SMYD5: variants seen among roughly 807,000 people sequenced by gnomAD.
SMYD5 encodes the protein SMYD family member 5.
SMYD5 carries 35 observed loss-of-function variants against 57.4 expected under a neutral mutation model. That is an observed-to-expected ratio of 0.61 (90% CI 0.47 to 0.81). The LOEUF (loss-of-function observed/expected upper bound fraction) is 0.81. SMYD5 is among the 30% of genes least tolerant of loss of function. SMYD5 has a pLI of 0.00. For missense variants in SMYD5, 471 were observed against 527.9 expected (o/e 0.89, Z 1.06); for synonymous variants, 198 against 189.7 (o/e 1.04, Z -0.36).
intron 5 of SMYD5, among the ~76,000 whole-genome samples, chr2:73,221,462 A>G (rs1344943880): frequency 6.1e-5 from 9 of 147,174 alleles, no homozygotes; most frequent in Non-Finnish European, 5.9e-5. Context: ...TAACTTAAAG[A>G]CCAGTGTGAT....
intron 3 of SMYD5, 71 bp from the exon 4 acceptor site, chr2:73,220,590 G>C: frequency 6.4e-7 from 1 of 1,570,344 alleles, no homozygotes; most frequent in Non-Finnish European, 8.8e-7. Context: ...GCTATTTGTG[G>C]AAGGAATGCA....
At chr2:73,223,914 G>A in intron 9 of SMYD5, 33 bp from the exon 10 acceptor site, 1 of 1,603,050 alleles carries the variant, frequency 6.2e-7, no homozygotes. Context: ...TTAAAAATGG[G>A]TAGAATAATG....
At chr2:73,216,986 C>G (rs1686304575) in intron 1 of SMYD5, among the ~76,000 whole-genome samples, 2 of 150,056 alleles carry the variant, frequency 1.3e-5, no homozygotes, top group African/African-American at 2.5e-5. Flanking sequence ...GAGTCTTACT[C>G]TGTTGCCCAG....
In SMYD5 at chr2:73,226,170, A is replaced by T; in HGVS notation, c.*224A>T. 1.7e-6 allele frequency: 1 copy of T among 599,550 alleles called. No individual in the cohort carries two copies. Among genetic ancestry groups the T allele is most frequent in the Admixed American group, 3.2e-5 (1 of 31,316 alleles). The allele number at this position is 599,550 out of a possible 1,614,324, so 37.1% of individuals were successfully genotyped here. Reference sequence around the variant, plus strand: ...GAGTTGGCTCAGACTCTGCACTGGCACTGAGCCTTTCACAACTGGCCTCCC... The same window carrying T: ...GAGTTGGCTCAGACTCTGCACTGGCTCTGAGCCTTTCACAACTGGCCTCCC... On this transcript the variant is annotated 3_prime_UTR_variant, in exon 13 of 13. Coordinates refer to ENST00000389501, the MANE Select transcript of SMYD5 (RefSeq NM_006062.3).
rs181051229 is a variant in SMYD5, at chr2:73,222,598, T to C, written c.643-157T>C. ...CAGGCCGGCAGACTGCCAAAGCTCT[T>C]TGGAGGTAGACTCTGTGGCCTTCCT... On this transcript the variant is annotated intron_variant, in intron 6 of 12. Transcript: ENST00000389501. Among the ~76,000 whole-genome samples, 28 of 152,326 alleles carry C rather than the reference T, an allele frequency of 1.8e-4. 1 individual carries two copies. In the East Asian group the frequency reaches 5.4e-3, roughly 29 times the overall value.
intron 4 of SMYD5, 93 bp from the exon 5 acceptor site, chr2:73,221,072 A>G: frequency 8.7e-7 from 1 of 1,147,360 alleles, no homozygotes; most frequent in South Asian, 1.3e-5. Flanking sequence ...TGGAATTGGT[A>G]GGAAGTTTTC....
Position 73,224,968 on chromosome 2 carries a change from G to A in SMYD5, c.1035+8G>A. On this transcript the variant is annotated splice_region_variant and intron_variant, in intron 11 of 12. Transcript: ENST00000389501. The stretch of plus-strand genomic sequence containing the variant: ...GATATTAAGCCAGGAGAGGTGAGGG[G>A]GACCAGGAACCGTCGGGATGGGTGG... The A allele has an allele frequency of 6.2e-7, 1 of 1,610,756 alleles. No homozygotes were observed. The highest frequency in any genetic ancestry group is 8.5e-7 in the Non-Finnish European group (1 of 1,177,442).
chr2:73,220,155 C>T lies in SMYD5; in HGVS notation c.310C>T (p.Arg104Cys), dbSNP rs376603112. ...GCCTCACCCAGAGCTGTGCACTGTG[C>T]GCAAAGACCTCCACCAGAACTGTCC... is the stretch of plus-strand genomic sequence containing the variant. ...VLPHPELCTV[R>C]KDLHQNCPHC... Residue 104 changes from arginine (R) to cysteine (C), a missense_variant, in exon 3 of 13, where the codon CGC (arginine) becomes TGC (cysteine). Arg to Cys is a radical substitution (Grantham distance 180). Transcript: ENST00000389501. 24 of 1,613,990 alleles carry T rather than the reference C, an allele frequency of 1.5e-5. No individual in the cohort carries two copies. The highest frequency in any genetic ancestry group is 6.7e-5 in the African/African-American group (5 of 74,904).
At chr2:73,223,171 GTTCCT>G (rs1304353405) in intron 8 of SMYD5, 65 bp downstream of exon 8, 89 of 1,370,870 alleles carry the variant, frequency 6.5e-5, no homozygotes, top group African/African-American at 3.3e-4. Context: ...GGTAGCCACA[GTTCCT>G]TTCAAGACTG....
Position 73,221,901 on chromosome 2 carries a change from G to T in SMYD5, c.613G>T (p.Val205Phe). The T allele has an allele frequency of 6.2e-7, 1 of 1,612,778 alleles. No individual in the cohort carries two copies. Among genetic ancestry groups the T allele is most frequent in the Non-Finnish European group, 8.5e-7 (1 of 1,178,738 alleles). ...NKTANEEEEI[V>F]HKLLGDKFKG... ...AACAGCCAATGAAGAGGAGGAAATTGTCCATAAACTTCTGGGAGACAAATT... is the reference window on the plus strand; with the variant it reads ...AACAGCCAATGAAGAGGAGGAAATTTTCCATAAACTTCTGGGAGACAAATT... The change falls in exon 6 of 13, where the codon GTC (valine) becomes TTC (phenylalanine). Residue 205 changes from valine (V) to phenylalanine (F), a missense_variant. Physicochemically the swap from Val to Phe is conservative, Grantham distance 50 (BLOSUM62 -1). Transcript: ENST00000389501.
chr2:73,219,961 T>G (rs764518372), intron 2 of SMYD5, 90 bp from the exon 3 acceptor site: 17 of 1,503,248 alleles, frequency 1.1e-5, no homozygotes, highest in Non-Finnish European at 1.5e-5. Context: ...GAATGGTGCC[T>G]GGCACATAGC....
intron 1 of SMYD5, among the ~76,000 whole-genome samples, chr2:73,216,437 T>C (rs1686294114): frequency 6.6e-6 from 1 of 151,666 alleles, no homozygotes; most frequent in South Asian, 2.1e-4. Context: ...ACACCTGTAA[T>C]CCCAGCACTT....
intron 9 of SMYD5, 140 bp from the exon 10 acceptor site, chr2:73,223,807 T>A: frequency 1.2e-6 from 1 of 813,654 alleles, no homozygotes. Flanking sequence ...GAGGCAAGTT[T>A]AGGTAAGATG....
Position 73,226,867 on chromosome 2 carries a change from T to A in SMYD5, c.*921T>A, listed in dbSNP as rs1181835077. 6.5e-6 allele frequency: 1 copy of A among 152,688 alleles called. No individual in the cohort carries two copies. The highest frequency in any genetic ancestry group is 2.4e-5 in the African/African-American group (1 of 41,424). The allele number at this position is 152,688 out of a possible 1,614,324, so 9.5% of individuals were successfully genotyped here. A position where few individuals can be genotyped will look rare whatever the true frequency, so the allele number is the denominator to read the frequency against. On this transcript the variant is annotated 3_prime_UTR_variant, in exon 13 of 13. Coordinates refer to ENST00000389501, the MANE Select transcript of SMYD5 (RefSeq NM_006062.3). ...CTCCATCTTTAGGGTCTCCACAGAC[T>A]AACATTGAAGTCTTCCAGAAACCTC...
intron 1 of SMYD5, among the ~76,000 whole-genome samples, chr2:73,215,442 C>T (rs1686277362): frequency 6.6e-6 from 1 of 152,102 alleles, no homozygotes; most frequent in African/African-American, 2.4e-5. Context: ...ACCTTCCGTG[C>T]CCCCTTTCTG....
At chr2:73,214,407 C>G (rs1336409607) in intron 1 of SMYD5, 45 bp downstream of exon 1, 5 of 1,611,034 alleles carry the variant, frequency 3.1e-6, no homozygotes, top group Non-Finnish European at 4.2e-6. Flanking sequence ...CCCAGTCCGG[C>G]CATGGAGACA....
Position 73,218,961 on chromosome 2 carries a change from G to C in SMYD5, c.197G>C (p.Arg66Pro), listed in dbSNP as rs138461928. The part of the protein sequence containing the change: ...AAQFLWNALY[R>P]YRACDHCLRA... ...CAGTTTCTCTGGAATGCACTTTATC[G>C]CTACCGAGGTGAGTACATCTCTCCT... is the stretch of plus-strand genomic sequence containing the variant. Residue 66 changes from arginine to proline, a missense_variant, in exon 2 of 13, where the codon CGC becomes CCC. By Grantham distance (103) the Arg-to-Pro change is moderately radical. Coordinates refer to ENST00000389501, the MANE Select transcript of SMYD5 (RefSeq NM_006062.3). The C allele has an allele frequency of 1.9e-6, 3 of 1,611,922 alleles. No homozygotes were observed. The highest frequency in any genetic ancestry group is 2.5e-6 in the Non-Finnish European group (3 of 1,177,934).
In SMYD5 at chr2:73,219,430, A is replaced by G. The variant is rs13413623; in HGVS notation, c.205+461A>G. ...GAGTTTCGCTCTTGTCACCCAGGCT[A>G]AAGTGCAGTGGTGCAATCTCGGCTC... On this transcript the variant is annotated intron_variant, in intron 2 of 12. Coordinates refer to ENST00000389501, the MANE Select transcript of SMYD5 (RefSeq NM_006062.3). Among the ~76,000 whole-genome samples, 1,434 of 152,238 alleles carry G rather than the reference A, an allele frequency of 9.4e-3. 16 individuals carry two copies. Among genetic ancestry groups the G allele is most frequent in the African/African-American group, 0.031 (1,285 of 41,554 alleles).
At position 73,220,695 on chromosome 2, in the gene SMYD5, C is replaced by A; in HGVS notation, c.380C>A (p.Ala127Asp). 6.2e-7 allele frequency: 1 copy of A among 1,614,042 alleles called. No homozygotes were observed. The highest frequency in any genetic ancestry group is 8.5e-7 in the Non-Finnish European group (1 of 1,180,006). The change falls in exon 4 of 13, where the codon GCC becomes GAC. Residue 127 changes from alanine to aspartate, a missense_variant. Ala to Asp is a moderately radical substitution (Grantham distance 126). Transcript: ENST00000389501. ...MYCSAECRLA[A>D]TEQYHQVLCP... is the part of the protein sequence containing the mutation. ...TGCAGTGCAGAATGTCGGTTGGCAG[C>A]CACTGAGCAATACCACCAGGTCCTG...
Sources: allele counts gnomAD v4.1 joint callset (sites outside exome capture counted in the v4.1 genomes callset), GRCh38; gene constraint gnomAD v4.1.1; transcripts MANE v1.5; gene names NCBI Gene and HGNC (gene_info 2026-07-23, HGNC 2026-07-21).